The following ZNF37A variants were observed in gnomAD, a reference collection of about 807,000 sequenced individuals.
ZNF37A encodes the protein zinc finger protein 37a (KOX 21).
In ZNF37A, 10 loss-of-function variants were observed where a neutral mutation model predicts 12.3. That is an observed-to-expected ratio of 0.82 (90% CI 0.50 to 1.38). The LOEUF (loss-of-function observed/expected upper bound fraction) is 1.38. Among genes scored for constraint, ZNF37A ranks in the 40% most tolerant of loss-of-function variants. ZNF37A has a pLI of 0.00. For synonymous variants in ZNF37A, 207 were observed against 223.0 expected (o/e 0.93, Z 0.64); for missense variants, 580 against 651.2 (o/e 0.89, Z 1.19).
chr10:38,109,002 A>G (rs1433452829), intron 5 of ZNF37A, among the ~76,000 whole-genome samples: 1 of 152,182 alleles, frequency 6.6e-6, no homozygotes, highest in African/African-American at 2.4e-5. Context: ...CATCATCCTG[A>G]TACCGAAACA....
At chr10:38,129,319 A>AAAAAAAAAAAAAAAAAAAAC, downstream of ZNF37A, among the ~76,000 whole-genome samples, 14 of 116,204 alleles carry the variant, frequency 1.2e-4, no homozygotes, top group Admixed American at 3.2e-4. Flanking sequence ...AAAAAAAAAA[A>AAAAAAAAAAAAAAAAAAAAC]AAACTATTAT....
chr10:38,147,092 G>C (rs1299398115), exon 8 of ZNF37A: 2 of 212,572 alleles, frequency 9.4e-6, no homozygotes, highest in Non-Finnish European at 1.9e-5. Context: ...CATGCTATTT[G>C]TGGTTTGAGC....
Position 38,122,146 on chromosome 10 carries a change from G to A in ZNF37A, c.*3309G>A, listed in dbSNP as rs2136057131. 1 of 152,458 alleles carries A rather than the reference G, an allele frequency of 6.6e-6. No homozygotes were observed. Among genetic ancestry groups the A allele is most frequent in the South Asian group, 2.1e-4 (1 of 4,824 alleles). 9.4% of individuals were successfully genotyped at this position (152,458 alleles called of 1,614,324 possible). A position where few individuals can be genotyped will look rare whatever the true frequency, so the allele number is the denominator to read the frequency against. ...AGGTACTCAGGAGGCAGAGACGTGGGAGGATCGCTTGAGCCTGGGAGATTG... is the reference window on the plus strand; with the variant it reads ...AGGTACTCAGGAGGCAGAGACGTGGAAGGATCGCTTGAGCCTGGGAGATTG... On this transcript the variant is annotated 3_prime_UTR_variant, in exon 8 of 8. Transcript: ENST00000685332.
Position 38,118,299 on chromosome 10 carries a change from A to G in ZNF37A, c.1148A>G (p.Tyr383Cys), listed in dbSNP as rs764109718. 8 of 1,613,640 alleles carry G rather than the reference A, an allele frequency of 5.0e-6. No individual in the cohort carries two copies. In the South Asian group the frequency reaches 5.5e-5, roughly 11 times the overall value. The part of the protein sequence containing the change: ...HQKTHTGEKP[Y>C]ECYACGKAFL... Reference sequence around the variant, plus strand: ...AAAACACACACAGGGGAGAAGCCCTATGAATGCTATGCATGTGGGAAAGCC... The same window carrying G: ...AAAACACACACAGGGGAGAAGCCCTGTGAATGCTATGCATGTGGGAAAGCC... The change falls in exon 8 of 8, where the codon TAT becomes TGT. Residue 383 changes from tyrosine to cysteine, a missense_variant. By Grantham distance (194) the Tyr-to-Cys change is radical. Transcript: ENST00000685332.
intron 5 of ZNF37A, among the ~76,000 whole-genome samples, chr10:38,112,807 T>TGGTC (rs1249732188): frequency 1.4e-5 from 1 of 73,442 alleles, no homozygotes; most frequent in African/African-American, 5.3e-5. Flanking sequence ...TGTCTTGTCT[T>TGGTC]GTCTTCTTTT....
At chr10:38,124,809 T>C (rs2069897241), downstream of ZNF37A, 1 of 152,218 alleles carries the variant, frequency 6.6e-6, no homozygotes, top group Admixed American at 6.5e-5. Flanking sequence ...GTTCTATTAA[T>C]TAAACGCCAC....
chr10:38,094,464 C>T lies in ZNF37A; in HGVS notation c.-518C>T, dbSNP rs1438567335. 1 of 152,002 alleles carries T rather than the reference C, an allele frequency of 6.6e-6. No homozygotes were observed. Among genetic ancestry groups the T allele is most frequent in the Non-Finnish European group, 1.5e-5 (1 of 68,052 alleles). The allele number at this position is 152,002 out of a possible 1,614,324, so 9.4% of individuals were successfully genotyped here. ...TGACGGGGAGGGCTCCCGGCATCTC[C>T]TGGCGTCCGGGTAGAGGACGCGGAG... On this transcript the variant is annotated 5_prime_UTR_variant, in exon 1 of 8. Coordinates refer to ENST00000685332, the MANE Select transcript of ZNF37A (RefSeq NM_001324250.3).
Position 38,122,387 on chromosome 10 carries a change from C to G in ZNF37A, c.*3550C>G, listed in dbSNP as rs779801232. ...CAAAAGACTTAGAATAGTCAGCTATCCTGAGCAAAAGGAATCAAACTGGAG... is the reference window on the plus strand; with the variant it reads ...CAAAAGACTTAGAATAGTCAGCTATGCTGAGCAAAAGGAATCAAACTGGAG... On this transcript the variant is annotated 3_prime_UTR_variant, in exon 8 of 8. Transcript: ENST00000685332. 1 of 152,136 alleles carries G rather than the reference C, an allele frequency of 6.6e-6. No homozygotes were observed. Among genetic ancestry groups the G allele is most frequent in the Admixed American group, 6.6e-5 (1 of 15,258 alleles). The allele number at this position is 152,136 out of a possible 1,614,324, so 9.4% of individuals were successfully genotyped here.
chr10:38,114,983 G>A, intron 6 of ZNF37A, 102 bp downstream of exon 6: 1 of 1,450,326 alleles, frequency 6.9e-7, no homozygotes, highest in Non-Finnish European at 9.3e-7. Flanking sequence ...ATTTAGGTTT[G>A]AGATTCAGAG....
At chr10:38,114,710 A>G (rs113864358) in intron 5 of ZNF37A, 45 bp from the exon 6 acceptor site, 53 of 1,612,940 alleles carry the variant, frequency 3.3e-5, no homozygotes, top group African/African-American at 1.1e-4. Context: ...TTTCACGTCA[A>G]CTGATTCTTA....
At chr10:38,132,836 T>G (rs2070049975) in intron 7 of ZNF37A, among the ~76,000 whole-genome samples, 1 of 151,952 alleles carries the variant, frequency 6.6e-6, no homozygotes, top group Non-Finnish European at 1.5e-5. Flanking sequence ...ACTTTTCATC[T>G]ATATGATTGA....
At chr10:38,135,391 AC>A (rs1468444606) in intron 7 of ZNF37A, among the ~76,000 whole-genome samples, 1 of 152,242 alleles carries the variant, frequency 6.6e-6, no homozygotes, top group Non-Finnish European at 1.5e-5. Context: ...TCTCAAAAAA[AC>A]AAAACAAAAC....
intron 7 of ZNF37A, among the ~76,000 whole-genome samples, chr10:38,136,752 C>T (rs537902579): frequency 6.6e-6 from 1 of 152,208 alleles, no homozygotes; most frequent in African/African-American, 2.4e-5. Flanking sequence ...CCCAGTCTGT[C>T]TTCTCCTACT....
chr10:38,111,425 T>A (rs1057058752), intron 5 of ZNF37A, among the ~76,000 whole-genome samples: 8 of 151,860 alleles, frequency 5.3e-5, no homozygotes, highest in African/African-American at 1.5e-4. Flanking sequence ...GGCACATGTG[T>A]ACCTATGTAA....
chr10:38,127,230 G>C (rs1189281770), downstream of ZNF37A, among the ~76,000 whole-genome samples: 2 of 152,062 alleles, frequency 1.3e-5, no homozygotes, highest in Non-Finnish European at 2.9e-5. Flanking sequence ...GGAGCTTGCC[G>C]CTGGCTTTTT....
At position 38,099,595 on chromosome 10, in the gene ZNF37A, C is replaced by A. The variant is rs76242469; in HGVS notation, c.15+2963C>A. ...TGTGAACGTGGGTGTACAACTATCT[C>A]TTTGAGATCCTTCTTTCAGTTCTTT... is the stretch of plus-strand genomic sequence containing the variant. On this transcript the variant is annotated intron_variant, in intron 5 of 7. Transcript: ENST00000685332. 3.6e-3 allele frequency among the ~76,000 whole-genome samples: 547 copies of A among 152,316 alleles called. 10 individuals are homozygous for A. The South Asian group carries it at 0.05, about 14-fold the overall frequency.
chr10:38,135,679 A>G (rs774049105), intron 7 of ZNF37A, among the ~76,000 whole-genome samples: 1 of 152,240 alleles, frequency 6.6e-6, no homozygotes, highest in Non-Finnish European at 1.5e-5. Context: ...ACAGTTCTGC[A>G]TGGCTGAGGA....
At chr10:38,102,691 T>C (rs1196567871) in intron 5 of ZNF37A, among the ~76,000 whole-genome samples, 1 of 152,210 alleles carries the variant, frequency 6.6e-6, no homozygotes, top group Non-Finnish European at 1.5e-5. Flanking sequence ...TAGTATCCTT[T>C]TGTTTCAACC....
At position 38,123,703 on chromosome 10, in the gene ZNF37A, A is replaced by G. The variant is rs1477644695; in HGVS notation, c.*4866A>G. ...ATCTGAATAGACGTTTCTCAAAAGA[A>G]GACATACAAATGGCAAACAGGCATA... On this transcript the variant is annotated 3_prime_UTR_variant, in exon 8 of 8. Transcript: ENST00000685332. 1 of 152,252 alleles carries G rather than the reference A, an allele frequency of 6.6e-6. No homozygotes were observed. 9.4% of individuals were successfully genotyped at this position (152,252 alleles called of 1,614,324 possible).
Sources: allele counts gnomAD v4.1 joint callset (sites outside exome capture counted in the v4.1 genomes callset), GRCh38; gene constraint gnomAD v4.1.1; transcripts MANE v1.5; gene names NCBI Gene and HGNC (gene_info 2026-07-23, HGNC 2026-07-21).